EXOC2: variants seen among roughly 807,000 people sequenced by gnomAD.
EXOC2 encodes SEC5-like 1.
Under a neutral mutation model 131.8 loss-of-function variants are expected in EXOC2, and 70 were observed. The observed-to-expected ratio is 0.53, with a 90% CI of 0.44 to 0.65. The LOEUF is 0.65. EXOC2 is among the 30% of genes least tolerant of loss of function. EXOC2 has a pLI of 0.00. For synonymous variants in EXOC2, 411 were observed against 398.4 expected (o/e 1.03, Z -0.38); for missense variants, 923 against 1,108.6 (o/e 0.83, Z 2.38).
chr6:579,091 G>C (rs1482502435), intron 11 of EXOC2, among the ~76,000 whole-genome samples: 1 of 152,046 alleles, frequency 6.6e-6, no homozygotes, highest in Non-Finnish European at 1.5e-5. Context: ...ACTTACTCTT[G>C]AAGGTTTTTA....
chr6:662,282 AT>A (rs1458786750), intron 1 of EXOC2, among the ~76,000 whole-genome samples: 1 of 152,260 alleles, frequency 6.6e-6, no homozygotes, highest in East Asian at 1.9e-4. Flanking sequence ...ACGGATTTAA[AT>A]GATACCTTGG....
intron 1 of EXOC2, among the ~76,000 whole-genome samples, chr6:638,207 C>A (rs893108451): frequency 6.6e-6 from 1 of 152,170 alleles, no homozygotes; most frequent in African/African-American, 2.4e-5. Flanking sequence ...TACTGTTCTA[C>A]CCCCAGGGCT....
At chr6:617,603 CTACTT>C in intron 6 of EXOC2, 103 bp downstream of exon 6, 1 of 1,381,162 alleles carries the variant, frequency 7.2e-7, no homozygotes, top group Non-Finnish European at 9.6e-7. Flanking sequence ...TTTGAGATCT[CTACTT>C]TGATAAAAAC....
intron 23 of EXOC2, among the ~76,000 whole-genome samples, chr6:505,545 C>T (rs1764496299): frequency 6.6e-6 from 1 of 152,200 alleles, no homozygotes; most frequent in African/African-American, 2.4e-5. Context: ...GAGGCATCCG[C>T]CAGACAGCAG....
intron 11 of EXOC2, among the ~76,000 whole-genome samples, chr6:591,964 C>T (rs982815934): frequency 6.6e-6 from 1 of 152,206 alleles, no homozygotes; most frequent in Non-Finnish European, 1.5e-5. Context: ...CCCACACCAG[C>T]CATCTAAAGC....
rs778925288 is a variant in EXOC2, at chr6:486,682, T to A, written c.2764A>T (p.Met922Leu). The change falls in exon 28 of 28, where the codon ATG (methionine) becomes TTG (leucine). Residue 922 changes from methionine (M) to leucine (L), a missense_variant. Coordinates refer to ENST00000230449, the MANE Select transcript of EXOC2 (RefSeq NM_018303.6). The stretch of plus-strand genomic sequence containing the variant: ...TATGTGGCAGATATTTATGTTTTCA[T>A]CATGGTTGAAGAAGCTGCTTGGAAA... Reference protein sequence around the residue: ...TCFQAASSTMMKT With the variant: ...TCFQAASSTMLKT The A allele has an allele frequency of 6.2e-7, 1 of 1,614,006 alleles. No homozygotes were observed. The highest frequency in any genetic ancestry group is 1.3e-5 in the African/African-American group (1 of 74,938).
At chr6:637,395 A>T (rs1291749090) in intron 2 of EXOC2, among the ~76,000 whole-genome samples, 1 of 152,238 alleles carries the variant, frequency 6.6e-6, no homozygotes, top group Non-Finnish European at 1.5e-5. Context: ...TAATGAGAGC[A>T]AAACTATAAA....
In EXOC2 at chr6:613,190, GA is replaced by G. The variant is rs556658372; in HGVS notation, c.662-3013del. On this transcript the variant is annotated intron_variant, in intron 6 of 27. Coordinates refer to ENST00000230449, the MANE Select transcript of EXOC2 (RefSeq NM_018303.6). ...GCTAGAAACATTTTTGCAGAATAAA[GA>G]AAAAAAACTGTACTAAACATACCAA... 7.0e-3 allele frequency among the ~76,000 whole-genome samples: 1,067 copies of G among 151,960 alleles called. 10 individuals carry two copies. Among genetic ancestry groups the G allele is most frequent in the Middle Eastern group, 0.017 (5 of 294 alleles).
At chr6:654,803 CAAAAAAAAAAAAA>C (rs66637987) in intron 1 of EXOC2, among the ~76,000 whole-genome samples, 499 of 29,580 alleles carry the variant, frequency 0.017, 4 homozygotes, top group Middle Eastern at 0.036. Flanking sequence ...GACCCTGTCT[CAAAAAAAAAAAAA>C]AAAAAAAAAA....
At chr6:687,999 C>T (rs970277065) in intron 1 of EXOC2, among the ~76,000 whole-genome samples, 15 of 152,026 alleles carry the variant, frequency 9.9e-5, no homozygotes, top group Admixed American at 4.6e-4. Flanking sequence ...CTCACAAAGG[C>T]GGGGTAGATG....
intron 6 of EXOC2, among the ~76,000 whole-genome samples, chr6:613,822 G>A (rs919631719): frequency 6.6e-6 from 1 of 152,048 alleles, no homozygotes; most frequent in Non-Finnish European, 1.5e-5. Flanking sequence ...CATGGCACAT[G>A]TATACATATG....
At chr6:627,483 A>G (rs1363469889) in intron 4 of EXOC2, among the ~76,000 whole-genome samples, 2 of 152,188 alleles carry the variant, frequency 1.3e-5, no homozygotes, top group East Asian at 1.9e-4. Flanking sequence ...CTGATGCTAC[A>G]GGATCCGCGC....
chr6:531,480 T>C (rs1309446286), intron 23 of EXOC2, among the ~76,000 whole-genome samples: 1 of 128,418 alleles, frequency 7.8e-6, no homozygotes, highest in Non-Finnish European at 1.6e-5. Flanking sequence ...CTCAGGAAAT[T>C]CAATAACTGT....
intron 1 of EXOC2, among the ~76,000 whole-genome samples, chr6:691,693 G>A (rs2127826200): frequency 6.6e-6 from 1 of 152,260 alleles, no homozygotes; most frequent in Middle Eastern, 3.4e-3. Context: ...TTGACTGCGT[G>A]GGCACCCCTA....
At chr6:507,441 C>A (rs189448961) in intron 23 of EXOC2, among the ~76,000 whole-genome samples, 105 of 151,816 alleles carry the variant, frequency 6.9e-4, no homozygotes, top group African/African-American at 2.4e-3. Context: ...TTTAATATGA[C>A]AAATGACCAT....
chr6:666,282 G>A (rs1221015833), intron 1 of EXOC2, among the ~76,000 whole-genome samples: 1 of 152,122 alleles, frequency 6.6e-6, no homozygotes, highest in East Asian at 1.9e-4. Flanking sequence ...CATATTGACT[G>A]GAATATATCA....
chr6:516,289 G>A (rs1304533209), intron 23 of EXOC2, among the ~76,000 whole-genome samples: 2 of 152,198 alleles, frequency 1.3e-5, no homozygotes, highest in Non-Finnish European at 2.9e-5. Flanking sequence ...CTCTGGTTCT[G>A]GGGCGGCACT....
chr6:680,068 G>A (rs1008755646), intron 1 of EXOC2, among the ~76,000 whole-genome samples: 2 of 151,960 alleles, frequency 1.3e-5, no homozygotes, highest in South Asian at 2.1e-4. Flanking sequence ...ATACATAAGA[G>A]AGACTAGCAT....
chr6:680,467 G>A (rs1764351683), intron 1 of EXOC2, among the ~76,000 whole-genome samples: 1 of 152,178 alleles, frequency 6.6e-6, no homozygotes, highest in Non-Finnish European at 1.5e-5. Context: ...GAGGGGCCAG[G>A]GAAATTGTGC....
Sources: gnomAD v4.1 joint callset for allele counts (sites outside exome capture counted in the v4.1 genomes callset) on GRCh38, gnomAD v4.1.1 for gene constraint, MANE v1.5 for transcripts, NCBI Gene and HGNC (gene_info 2026-07-23, HGNC 2026-07-21) for gene names.